Variants in DIRAS2 observed in about 807,000 individuals in gnomAD.
DIRAS2 encodes GTP-binding protein Di-Ras2.
Under a neutral mutation model 13.9 loss-of-function variants are expected in DIRAS2, and 5 were observed. The observed-to-expected ratio is 0.36, with a 90% CI of 0.19 to 0.76. The LOEUF (loss-of-function observed/expected upper bound fraction) is 0.76. Among genes scored for constraint, DIRAS2 ranks in the 30% least tolerant of loss-of-function variants. The pLI is 0.53. For synonymous variants in DIRAS2, 111 were observed against 105.4 expected (o/e 1.05, Z -0.33); for missense variants, 191 against 263.0 (o/e 0.73, Z 1.89).
At chr9:90,638,890 A>T (rs999022745) in intron 1 of DIRAS2, among the ~76,000 whole-genome samples, 2 of 152,264 alleles carry the variant, frequency 1.3e-5, no homozygotes, top group Middle Eastern at 6.8e-3. Context: ...GTGCTCCAAT[A>T]AAACAGAGTG....
At chr9:90,641,180 A>G (rs1825415825) in intron 1 of DIRAS2, among the ~76,000 whole-genome samples, 1 of 152,222 alleles carries the variant, frequency 6.6e-6, no homozygotes, top group African/African-American at 2.4e-5. Context: ...GTTAGACACA[A>G]GCTGAAAAGT....
At chr9:90,622,943 T>C (rs1420122478) in intron 1 of DIRAS2, among the ~76,000 whole-genome samples, 1 of 152,230 alleles carries the variant, frequency 6.6e-6, no homozygotes, top group Non-Finnish European at 1.5e-5. Context: ...ATCTTTTCTC[T>C]TTCTGAAACT....
chr9:90,624,751 C>T (rs1825252164), intron 1 of DIRAS2, among the ~76,000 whole-genome samples: 2 of 151,422 alleles, frequency 1.3e-5, no homozygotes, highest in South Asian at 2.1e-4. Context: ...CTCACTCTGT[C>T]GCCAGGCTGG....
chr9:90,635,185 G>A (rs974922959), intron 1 of DIRAS2, among the ~76,000 whole-genome samples: 1 of 152,180 alleles, frequency 6.6e-6, no homozygotes, highest in African/African-American at 2.4e-5. Context: ...CCAGAAACGT[G>A]GTCTAGGCTT....
rs923020540 is a variant in DIRAS2, at chr9:90,609,898, G to C, written c.*3330C>G. 5.3e-5 allele frequency: 8 copies of C among 152,214 alleles called. No homozygotes were observed. The highest frequency in any genetic ancestry group is 2.0e-4 in the Admixed American group (3 of 15,286). The allele number at this position is 152,214 out of a possible 1,614,324, so 9.4% of individuals were successfully genotyped here. A position where few individuals can be genotyped will look rare whatever the true frequency, so the allele number is the denominator to read the frequency against. ...ATTTCCAGAACATCACTGGCAACTA[G>C]AAACTTGTATGCAAGGGTGATTTTT... is the stretch of plus-strand genomic sequence containing the variant. On this transcript the variant is annotated 3_prime_UTR_variant, in exon 2 of 2. Coordinates refer to ENST00000375765, the MANE Select transcript of DIRAS2 (RefSeq NM_017594.5).
intron 1 of DIRAS2, among the ~76,000 whole-genome samples, chr9:90,618,060 A>G (rs1183977597): frequency 6.6e-6 from 1 of 152,214 alleles, no homozygotes; most frequent in Admixed American, 6.5e-5. Flanking sequence ...GAAACTGACA[A>G]ACCGATCCCA....
intron 1 of DIRAS2, among the ~76,000 whole-genome samples, chr9:90,618,428 A>G (rs1825189743): frequency 6.6e-6 from 1 of 152,204 alleles, no homozygotes; most frequent in South Asian, 2.1e-4. Flanking sequence ...TAGATCAAAT[A>G]CCTAAATATA....
intron 1 of DIRAS2, among the ~76,000 whole-genome samples, chr9:90,638,781 C>T (rs1328162554): frequency 2.0e-5 from 3 of 152,050 alleles, no homozygotes; most frequent in Admixed American, 1.3e-4. Flanking sequence ...GTGGACTCCA[C>T]CTGGATTTGC....
At chr9:90,621,130 G>C (rs543412297) in intron 1 of DIRAS2, among the ~76,000 whole-genome samples, 4 of 152,242 alleles carry the variant, frequency 2.6e-5, no homozygotes, top group Non-Finnish European at 4.4e-5. Flanking sequence ...AGTGACATTG[G>C]GGGGTGTGAA....
chr9:90,617,308 T>C (rs934712029), intron 1 of DIRAS2, among the ~76,000 whole-genome samples: 7 of 152,224 alleles, frequency 4.6e-5, no homozygotes, highest in Non-Finnish European at 8.8e-5. Context: ...TGGTAGGTGA[T>C]TGGGATTTAG....
chr9:90,613,630 G>A lies in DIRAS2; in HGVS notation c.198C>T (p.His66=). 2 of 1,614,190 alleles carry A rather than the reference G, an allele frequency of 1.2e-6. No individual in the cohort carries two copies. Among genetic ancestry groups the A allele is most frequent in the South Asian group, 1.1e-5 (1 of 91,078 alleles). ...ACAGCCGCTGCATGGCCGGGAACTG[G>A]TGGCTCCCCGTCGTGTCGGTGATCT... ...TLQITDTTGS[H]QFPAMQRLSI... Residue 66 remains histidine, a synonymous_variant, in exon 2 of 2, where the codon CAC becomes CAT. Coordinates refer to ENST00000375765, the MANE Select transcript of DIRAS2 (RefSeq NM_017594.5). This position sits in a 1 kb window ranked among gnomAD's most constrained non-coding sequence, Gnocchi z 5.6.
Position 90,611,816 on chromosome 9 carries a change from C to T in DIRAS2, c.*1412G>A, listed in dbSNP as rs1825116870. ...CCAGTAAATGTTCTGCCAACTGAAA[C>T]AAACAGGAGATCTAACAGGCACTAT... is the stretch of plus-strand genomic sequence containing the variant. On this transcript the variant is annotated 3_prime_UTR_variant, in exon 2 of 2. Coordinates refer to ENST00000375765, the MANE Select transcript of DIRAS2 (RefSeq NM_017594.5). 6.6e-6 allele frequency: 1 copy of T among 152,218 alleles called. No individual in the cohort carries two copies. The highest frequency in any genetic ancestry group is 1.5e-5 in the Non-Finnish European group (1 of 68,064). The allele number at this position is 152,218 out of a possible 1,614,324, so 9.4% of individuals were successfully genotyped here.
chr9:90,636,183 G>A lies in DIRAS2; in HGVS notation c.-37+6569C>T, dbSNP rs184510306. On this transcript the variant is annotated intron_variant, in intron 1 of 1. Transcript: ENST00000375765. ...CTACTGAGTAGCTGGGACTACAGGC[G>A]CCCGCCACCACACCCGGCTAATTTT... 1.2e-3 allele frequency among the ~76,000 whole-genome samples: 179 copies of A among 151,630 alleles called. 1 individual carries two copies. The highest frequency in any genetic ancestry group is 6.8e-3 in the Middle Eastern group (2 of 294).
intron 1 of DIRAS2, among the ~76,000 whole-genome samples, chr9:90,631,993 C>A (rs1825329014): frequency 6.6e-6 from 1 of 152,214 alleles, no homozygotes; most frequent in Non-Finnish European, 1.5e-5. Context: ...ACTCCATCAG[C>A]AACATTTGTC....
chr9:90,619,479 C>T (rs111354966), intron 1 of DIRAS2, among the ~76,000 whole-genome samples: 5 of 151,956 alleles, frequency 3.3e-5, no homozygotes, highest in Non-Finnish European at 5.9e-5. Flanking sequence ...TATAAAGTAC[C>T]GCTTCATACT....
intron 1 of DIRAS2, among the ~76,000 whole-genome samples, chr9:90,640,245 G>C (rs908161594): frequency 3.9e-5 from 6 of 152,178 alleles, no homozygotes; most frequent in African/African-American, 1.4e-4. Flanking sequence ...AGATTTATAA[G>C]AAAACACTTC....
chr9:90,626,633 G>C (rs1452759645), intron 1 of DIRAS2, among the ~76,000 whole-genome samples: 1 of 152,156 alleles, frequency 6.6e-6, no homozygotes, highest in African/African-American at 2.4e-5. Context: ...AAAATAAAAA[G>C]TGTTAGCAAA....
intron 1 of DIRAS2, among the ~76,000 whole-genome samples, chr9:90,637,792 C>T: frequency 6.6e-6 from 1 of 152,166 alleles, no homozygotes; most frequent in East Asian, 1.9e-4. Context: ...GAAAGATCAG[C>T]ACTGTCCCCT....
At chr9:90,617,388 T>G (rs1368429307) in intron 1 of DIRAS2, among the ~76,000 whole-genome samples, 3 of 152,168 alleles carry the variant, frequency 2.0e-5, no homozygotes, top group Non-Finnish European at 2.9e-5. Flanking sequence ...CAAACAGCAC[T>G]ATAATAAACA....
Sources: gnomAD v4.1 joint callset for allele counts (sites outside exome capture counted in the v4.1 genomes callset) on GRCh38, gnomAD v4.1.1 for gene constraint, Gnocchi (gnomAD v3.1) non-coding constraint, MANE v1.5 for transcripts, NCBI Gene and HGNC (gene_info 2026-07-23, HGNC 2026-07-21) for gene names.